Variants in DCLK1 observed in about 807,000 individuals in gnomAD.
DCLK1 encodes doublecortin like kinase 1, also known as serine/threonine-protein kinase DCLK1.
A neutral mutation model predicts 86.2 loss-of-function variants in DCLK1; 16 were observed. That is an observed-to-expected ratio of 0.19 (90% CI 0.13 to 0.28). The LOEUF (loss-of-function observed/expected upper bound fraction) is 0.28, where lower values mean the gene tolerates loss of function less well. Among genes scored for constraint, DCLK1 ranks in the 10% least tolerant of loss-of-function variants. The probability of loss-of-function intolerance (pLI) is 1.00; values close to 1 mark genes in which losing one functional copy is unlikely to be tolerated. For missense variants in DCLK1, 590 were observed against 940.2 expected (o/e 0.63, Z 4.87); for synonymous variants, 369 against 370.5 (o/e 1.00, Z 0.05).
intron 3 of DCLK1, among the ~76,000 whole-genome samples, chr13:36,075,040 G>A (rs184976173): frequency 1.8e-3 from 279 of 152,294 alleles, no homozygotes; most frequent in African/African-American, 5.5e-3. Flanking sequence ...TTTAAGGGGG[G>A]AAAAACCCAA....
At chr13:36,047,666 G>C (rs1882967474) in intron 3 of DCLK1, among the ~76,000 whole-genome samples, 1 of 152,014 alleles carries the variant, frequency 6.6e-6, no homozygotes, top group South Asian at 2.1e-4. Flanking sequence ...GAGTAGAAAG[G>C]TGGTTACCAG....
chr13:36,072,452 G>T (rs988243553), intron 3 of DCLK1, among the ~76,000 whole-genome samples: 1 of 152,060 alleles, frequency 6.6e-6, no homozygotes, highest in Non-Finnish European at 1.5e-5. Flanking sequence ...GAGCTCATCC[G>T]GTTTTATTGC....
intron 3 of DCLK1, among the ~76,000 whole-genome samples, chr13:36,111,261 C>T (rs1010347160): frequency 1.3e-5 from 2 of 152,060 alleles, no homozygotes; most frequent in Non-Finnish European, 2.9e-5. Flanking sequence ...TTAAAATGAC[C>T]ACCCATCCAA....
intron 11 of DCLK1, among the ~76,000 whole-genome samples, chr13:35,811,569 C>T (rs1219635655): frequency 6.6e-6 from 1 of 152,162 alleles, no homozygotes; most frequent in Non-Finnish European, 1.5e-5. Context: ...AGCTGTGGCT[C>T]ACGCCTGTAA....
chr13:35,954,145 G>A (rs900628035), intron 3 of DCLK1, among the ~76,000 whole-genome samples: 1 of 151,706 alleles, frequency 6.6e-6, no homozygotes, highest in Non-Finnish European at 1.5e-5. Context: ...AAAGATGGCA[G>A]GCTTAAACGT....
In DCLK1 at chr13:35,990,601, T is replaced by A. The variant is rs146520374; in HGVS notation, c.724-43144A>T. ...TAATAAACACCTGTTCTCCACTTGG[T>A]TCATAGATACAGAGTGTAGGACTTC... On this transcript the variant is annotated intron_variant, in intron 3 of 16. Coordinates refer to ENST00000360631, the MANE Select transcript of DCLK1 (RefSeq NM_001330071.2). Among the ~76,000 whole-genome samples, 73 of 152,232 alleles carry A rather than the reference T, an allele frequency of 4.8e-4. 1 individual carries two copies. The East Asian group carries it at 0.013, about 28-fold the overall frequency.
At chr13:36,083,692 A>C (rs565317777) in intron 3 of DCLK1, among the ~76,000 whole-genome samples, 1 of 152,312 alleles carries the variant, frequency 6.6e-6, no homozygotes, top group South Asian at 2.1e-4. Context: ...TTTTTCCTTG[A>C]GTTTTCCCAT....
At chr13:36,008,685 C>A (rs1055876140) in intron 3 of DCLK1, among the ~76,000 whole-genome samples, 8 of 148,176 alleles carry the variant, frequency 5.4e-5, no homozygotes, top group African/African-American at 2.0e-4. Flanking sequence ...AATAAACATA[C>A]GTGTGCATGT....
intron 3 of DCLK1, among the ~76,000 whole-genome samples, chr13:35,955,348 G>A (rs750479231): frequency 3.9e-5 from 6 of 152,170 alleles, no homozygotes; most frequent in Admixed American, 6.5e-5. Context: ...GTTCAAGATC[G>A]AGGCACCAGA....
At chr13:36,077,731 TC>T (rs1884261826) in intron 3 of DCLK1, among the ~76,000 whole-genome samples, 1 of 152,204 alleles carries the variant, frequency 6.6e-6, no homozygotes, top group African/African-American at 2.4e-5. Context: ...TCTACACATG[TC>T]CCTGTTCTGT....
At chr13:35,893,807 A>AT (rs1336525673) in intron 4 of DCLK1, among the ~76,000 whole-genome samples, 2 of 152,140 alleles carry the variant, frequency 1.3e-5, no homozygotes, top group African/African-American at 2.4e-5. Context: ...GGTGTATCAT[A>AT]TTTTTTACTG....
chr13:35,889,227 T>A (rs557391292), intron 4 of DCLK1, among the ~76,000 whole-genome samples: 1 of 152,326 alleles, frequency 6.6e-6, no homozygotes, highest in Non-Finnish European at 1.5e-5. Flanking sequence ...GAGAAAATCA[T>A]GTTCATACAC....
Position 36,126,101 on chromosome 13 carries a change from C to T in DCLK1, c.37G>A (p.Asp13Asn). The change falls in exon 2 of 17, where the codon GAC (aspartate) becomes AAC (asparagine). Residue 13 changes from aspartate (D) to asparagine (N), a missense_variant. Asp to Asn is a conservative substitution (Grantham distance 23). Around this residue, in one of 6 missense-constraint regions of DCLK1, gnomAD observed 50 missense variants for 47.8 expected, o/e 1.05. Transcript: ENST00000360631. ...TATCTCTGCGCCTTATCCCGCTCGTCGAAGTGCTCCAGCTCCATGTCTCTG... is the reference window on the plus strand; with the variant it reads ...TATCTCTGCGCCTTATCCCGCTCGTTGAAGTGCTCCAGCTCCATGTCTCTG... ...FGRDMELEHF[D>N]ERDKAQRYSR... 1 of 1,606,170 alleles carries T rather than the reference C, an allele frequency of 6.2e-7. No homozygotes were observed. The highest frequency in any genetic ancestry group is 8.5e-7 in the Non-Finnish European group (1 of 1,176,610).
At chr13:35,918,595 G>A (rs1327391161) in intron 4 of DCLK1, among the ~76,000 whole-genome samples, 2 of 152,058 alleles carry the variant, frequency 1.3e-5, no homozygotes, top group Admixed American at 6.6e-5. Flanking sequence ...GTCTTTGTTC[G>A]ATCATTCAAC....
intron 3 of DCLK1, among the ~76,000 whole-genome samples, chr13:35,952,600 G>A (rs1877758570): frequency 6.6e-6 from 1 of 152,140 alleles, no homozygotes; most frequent in African/African-American, 2.4e-5. Flanking sequence ...TGAGAAAACT[G>A]CTCTCTGTTG....
chr13:36,014,125 A>G (rs1881429594), intron 3 of DCLK1, among the ~76,000 whole-genome samples: 1 of 152,156 alleles, frequency 6.6e-6, no homozygotes, highest in Non-Finnish European at 1.5e-5. Context: ...CCTTAGTGAG[A>G]TGAACCCGGT....
rs375226011 is a variant in DCLK1, at chr13:35,786,733, A to T, written c.2058+6633T>A. 2.9e-4 allele frequency among the ~76,000 whole-genome samples: 44 copies of T among 152,344 alleles called. No individual in the cohort carries two copies. The East Asian group carries it at 8.5e-3, about 29-fold the overall frequency. On this transcript the variant is annotated intron_variant, in intron 16 of 16. Coordinates refer to ENST00000360631, the MANE Select transcript of DCLK1 (RefSeq NM_001330071.2). Reference sequence around the variant, plus strand: ...AAAAGAAGGGTCTGCACAAAGGCAGATTATGATTAACTCACCCTTCTCCCT... The same window carrying T: ...AAAAGAAGGGTCTGCACAAAGGCAGTTTATGATTAACTCACCCTTCTCCCT...
chr13:36,089,580 T>G (rs897504958), intron 3 of DCLK1, among the ~76,000 whole-genome samples: 1 of 152,214 alleles, frequency 6.6e-6, no homozygotes, highest in Admixed American at 6.5e-5. Flanking sequence ...CATCACTCTC[T>G]TCTTTCCACC....
chr13:35,818,430 C>T (rs983292346), intron 11 of DCLK1, among the ~76,000 whole-genome samples: 5 of 152,260 alleles, frequency 3.3e-5, no homozygotes, highest in South Asian at 2.1e-4. Flanking sequence ...ATGAGTTGCA[C>T]GTGTCATTTT....
Sources: allele counts gnomAD v4.1 joint callset (sites outside exome capture counted in the v4.1 genomes callset), GRCh38; gene constraint gnomAD v4.1.1; regional missense constraint gnomAD v4.1.1; transcripts MANE v1.5; gene names NCBI Gene and HGNC (gene_info 2026-07-23, HGNC 2026-07-21).